The following NUP210 variants were observed in gnomAD, a reference collection of about 807,000 sequenced individuals.
NUP210 encodes nuclear pore membrane glycoprotein 210.
Under a neutral mutation model 196.0 loss-of-function variants are expected in NUP210, and 151 were observed. That is an observed-to-expected ratio of 0.77 (90% CI 0.67 to 0.88). The LOEUF (loss-of-function observed/expected upper bound fraction) is 0.88. Ranked by LOEUF, NUP210 falls within the 40% of genes least tolerant of loss-of-function variation. NUP210 has a pLI of 0.00. For synonymous variants in NUP210, 1,070 were observed against 1,052.7 expected (o/e 1.02, Z -0.32); for missense variants, 2,314 against 2,493.7 (o/e 0.93, Z 1.53).
In NUP210 at chr3:13,354,087, G is replaced by T. The variant is rs1278599023; in HGVS notation, c.2349C>A (p.Arg783=). Residue 783 remains arginine, a synonymous_variant, in exon 17 of 40, where the codon CGC becomes CGA. Transcript: ENST00000254508. ...AAGCAGCCAGGTCCAGCCGGGGGTTGCGGTGGCTGGACACTGGGACCTGCA... is the reference window on the plus strand; with the variant it reads ...AAGCAGCCAGGTCCAGCCGGGGGTTTCGGTGGCTGGACACTGGGACCTGCA... ...NKQVVPVSSH[R]NPRLDLAAYD... is the part of the protein sequence containing the mutation. 2.5e-6 allele frequency: 4 copies of T among 1,595,422 alleles called. No individual in the cohort carries two copies. The highest frequency in any genetic ancestry group is 8.5e-7 in the Non-Finnish European group (1 of 1,171,308).
At position 13,386,261 on chromosome 3, in the gene NUP210, A is replaced by G. The variant is rs1699269496; in HGVS notation, c.817+14T>C. 6.2e-7 allele frequency: 1 copy of G among 1,606,848 alleles called. No individual in the cohort carries two copies. The highest frequency in any genetic ancestry group is 1.7e-5 in the Admixed American group (1 of 58,734). On this transcript the variant is annotated intron_variant, in intron 6 of 39. Transcript: ENST00000254508. ...AAGGAAGCATCTGTCATGATGGCAG[A>G]GCCAATGACACACCTGTAATTTTCC... is the stretch of plus-strand genomic sequence containing the variant.
intron 23 of NUP210, 87 bp downstream of exon 23, chr3:13,341,661 C>T: frequency 1.4e-6 from 2 of 1,454,640 alleles, no homozygotes; most frequent in East Asian, 2.3e-5. Flanking sequence ...GGCTTCTCTA[C>T]AGTAGCTTCC....
chr3:13,348,455 T>C lies in NUP210; in HGVS notation c.2835+3424A>G. 1 of 985,446 alleles carries C rather than the reference T, an allele frequency of 1.0e-6. No individual in the cohort carries two copies. Among genetic ancestry groups the C allele is most frequent in the Non-Finnish European group, 1.2e-6 (1 of 829,922 alleles). The allele number at this position is 985,446 out of a possible 1,614,324, so 61.0% of individuals were successfully genotyped here. Reference sequence around the variant, plus strand: ...GTGTGCCTCGGTTTCACTGGCACTGTACACATTTTTCCCTAACTTGGAACT... The same window carrying C: ...GTGTGCCTCGGTTTCACTGGCACTGCACACATTTTTCCCTAACTTGGAACT... On this transcript the variant is annotated intron_variant, in intron 20 of 39. Coordinates refer to ENST00000254508, the MANE Select transcript of NUP210 (RefSeq NM_024923.4). The surrounding 1 kb of genome is among the most constrained non-coding windows in gnomAD (Gnocchi z 4.0).
chr3:13,362,353 G>C (rs1397978752), intron 14 of NUP210, among the ~76,000 whole-genome samples: 1 of 152,160 alleles, frequency 6.6e-6, no homozygotes, highest in African/African-American at 2.4e-5. Flanking sequence ...CCATTGCTGT[G>C]GGGGTCAGCA....
intron 29 of NUP210, among the ~76,000 whole-genome samples, 158 bp from the exon 30 acceptor site, chr3:13,330,792 G>A (rs115517006): frequency 6.6e-6 from 1 of 152,166 alleles, no homozygotes; most frequent in Non-Finnish European, 1.5e-5. Context: ...CGTGCCGTCA[G>A]TTGTCTGAGG....
rs1292048054 is a variant in NUP210 at position 13,379,755 on chromosome 3, G to A, written c.818-34C>T. The A allele has an allele frequency of 6.5e-7, 1 of 1,534,676 alleles. No individual in the cohort carries two copies. Among genetic ancestry groups the A allele is most frequent in the South Asian group, 1.2e-5 (1 of 80,178 alleles). On this transcript the variant is annotated intron_variant, in intron 6 of 39. Transcript: ENST00000254508. This position sits in a 1 kb window ranked among gnomAD's most constrained non-coding sequence, Gnocchi z 4.2. ...CAAGAAACAAAAAATAACAGGGAAA[G>A]AGAGAGCAAAGACAGGAAATGTTAG... is the stretch of plus-strand genomic sequence containing the variant.
chr3:13,374,014 A>G (rs1559334451), intron 11 of NUP210, 141 bp from the exon 12 acceptor site: 1 of 944,192 alleles, frequency 1.1e-6, no homozygotes, highest in East Asian at 2.6e-5. Context: ...TCACCCATGC[A>G]CACACTCACC....
intron 1 of NUP210, among the ~76,000 whole-genome samples, chr3:13,411,801 T>C (rs1414038384): frequency 4.6e-5 from 7 of 152,224 alleles, no homozygotes; most frequent in Non-Finnish European, 8.8e-5. Flanking sequence ...AGTGCAGTGA[T>C]GCAATCTCAG....
At chr3:13,375,142 C>CTTTTTTTT (rs76945178) in intron 11 of NUP210, among the ~76,000 whole-genome samples, 1 of 138,440 alleles carries the variant, frequency 7.2e-6, no homozygotes, top group African/African-American at 2.7e-5. Context: ...TATTTTTTCT[C>CTTTTTTTT]TTTTTTTTTT....
intron 1 of NUP210, among the ~76,000 whole-genome samples, chr3:13,402,589 C>T (rs1699875554): frequency 6.6e-6 from 1 of 152,104 alleles, no homozygotes; most frequent in East Asian, 1.9e-4. Context: ...CTGCAGAACC[C>T]GACTGCAGTG....
rs1220822215 is a variant in NUP210, at chr3:13,420,135, G to A, written c.92C>T (p.Pro31Leu). 1.5e-6 allele frequency: 2 copies of A among 1,346,142 alleles called. No individual in the cohort carries two copies. Among genetic ancestry groups the A allele is most frequent in the Non-Finnish European group, 1.9e-6 (2 of 1,028,444 alleles). 83.4% of individuals were successfully genotyped at this position (1,346,142 alleles called of 1,614,324 possible). ...CCGCGTGAAGGGCAGCAGCACTTTG[G>A]GGATGTTGAGCTTGGCCGCAGCGGC... ...PSAAAAKLNI[P>L]KVLLPFTRAT... The change falls in exon 1 of 40, where the codon CCC (proline) becomes CTC (leucine). Residue 31 changes from proline to leucine, a missense_variant. Physicochemically the swap from Pro to Leu is moderately conservative, Grantham distance 98. Coordinates refer to ENST00000254508, the MANE Select transcript of NUP210 (RefSeq NM_024923.4). The surrounding 1 kb of genome is among the most constrained non-coding windows in gnomAD (Gnocchi z 4.8).
intron 5 of NUP210, among the ~76,000 whole-genome samples, chr3:13,386,684 C>T (rs1699289616): frequency 2.0e-5 from 3 of 152,076 alleles, no homozygotes; most frequent in Non-Finnish European, 4.4e-5. Flanking sequence ...CATGATTAAA[C>T]TGGAGTAAAA....
At chr3:13,419,112 C>T (rs2655256) in intron 1 of NUP210, among the ~76,000 whole-genome samples, 1 of 152,238 alleles carries the variant, frequency 6.6e-6, no homozygotes, top group African/African-American at 2.4e-5. Flanking sequence ...ACACACATGG[C>T]TGTCACGTGG....
chr3:13,338,050 C>T, intron 25 of NUP210, 133 bp from the exon 26 acceptor site: 2 of 769,758 alleles, frequency 2.6e-6, no homozygotes, highest in Non-Finnish European at 2.1e-6. Context: ...TGACCAGCAC[C>T]ATGCTCCTCT....
intron 1 of NUP210, among the ~76,000 whole-genome samples, chr3:13,404,527 T>A (rs1255897651): frequency 6.6e-6 from 1 of 152,252 alleles, no homozygotes; most frequent in East Asian, 1.9e-4. Flanking sequence ...TTCCCCCTAA[T>A]GTTAGTTGTA....
At chr3:13,403,923 C>G (rs1409383986) in intron 1 of NUP210, among the ~76,000 whole-genome samples, 3 of 152,184 alleles carry the variant, frequency 2.0e-5, no homozygotes, top group Non-Finnish European at 4.4e-5. Context: ...CCAGGGCTTC[C>G]TCACAAGCAG....
chr3:13,319,414 C>A, intron 37 of NUP210, 89 bp from the exon 38 acceptor site: 2 of 1,097,994 alleles, frequency 1.8e-6, no homozygotes. Flanking sequence ...GTCTACAGGG[C>A]AGTCCACAGG....
At chr3:13,331,240 T>C (rs1468477327) in intron 29 of NUP210, among the ~76,000 whole-genome samples, 2 of 152,232 alleles carry the variant, frequency 1.3e-5, no homozygotes, top group South Asian at 2.1e-4. Flanking sequence ...ACTGATACTA[T>C]GTACTGGGTA....
At position 13,397,480 on chromosome 3, in the gene NUP210, G is replaced by C. The variant is rs1251092648; in HGVS notation, c.313C>G (p.Gln105Glu). 3 of 1,598,430 alleles carry C rather than the reference G, an allele frequency of 1.9e-6. No homozygotes were observed. Among genetic ancestry groups the C allele is most frequent in the East Asian group, 2.3e-5 (1 of 43,510 alleles). ...ACAATGGCATCACAGCGCAGGACCT[G>C]GCCTGTGGCTGGAGGAACCCCAGGA... ...IIFAEDITTG[Q>E]VLRCDAIVDL... is the part of the protein sequence containing the mutation. Residue 105 changes from glutamine to glutamate, a missense_variant, in exon 3 of 40, where the codon CAG becomes GAG. Physicochemically the swap from Gln to Glu is conservative, Grantham distance 29. Coordinates refer to ENST00000254508, the MANE Select transcript of NUP210 (RefSeq NM_024923.4).
Sources: allele counts gnomAD v4.1 joint callset (sites outside exome capture counted in the v4.1 genomes callset), GRCh38; gene constraint gnomAD v4.1.1; non-coding constraint Gnocchi (gnomAD v3.1); transcripts MANE v1.5; gene names NCBI Gene and HGNC (gene_info 2026-07-23, HGNC 2026-07-21).